ATXN8OS: variants seen among roughly 807,000 people sequenced by gnomAD.
ATXN8OS encodes the protein ATXN8 opposite strand lncRNA.
chr13:70,130,355 G>A (rs1888513780), intron 3 of ATXN8OS, among the ~76,000 whole-genome samples: 2 of 152,128 alleles, frequency 1.3e-5, no homozygotes, highest in Non-Finnish European at 2.9e-5. Flanking sequence ...ATGGAAAAAT[G>A]TTTATCTTTA....
At chr13:70,147,280 C>G (rs1220831639) in intron 3 of ATXN8OS, among the ~76,000 whole-genome samples, 1 of 152,136 alleles carries the variant, frequency 6.6e-6, no homozygotes, top group Non-Finnish European at 1.5e-5. Flanking sequence ...ATTTATAAAA[C>G]CTGCCAAAGT....
At chr13:70,148,822 A>T (rs1031307465) in intron 4 of ATXN8OS, among the ~76,000 whole-genome samples, 1 of 152,092 alleles carries the variant, frequency 6.6e-6, no homozygotes, top group Admixed American at 6.6e-5. Context: ...TTTAAGGGCC[A>T]ATATAATATT....
chr13:70,128,399 C>G (rs983742439), intron 2 of ATXN8OS, among the ~76,000 whole-genome samples: 24 of 152,198 alleles, frequency 1.6e-4, no homozygotes, highest in African/African-American at 5.3e-4. Context: ...AATTCATTTT[C>G]TTTCTTCACT....
At chr13:70,149,862 C>CT (rs1156642677) in intron 4 of ATXN8OS, among the ~76,000 whole-genome samples, 3 of 151,884 alleles carry the variant, frequency 2.0e-5, no homozygotes, top group Non-Finnish European at 2.9e-5. Flanking sequence ...CAAACAAAAA[C>CT]TTTTTTTTCC....
chr13:70,122,302 T>G (rs1425567080), intron 2 of ATXN8OS, among the ~76,000 whole-genome samples: 1 of 152,004 alleles, frequency 6.6e-6, no homozygotes, highest in Non-Finnish European at 1.5e-5. Flanking sequence ...TCATCTAGTA[T>G]TACATCTTTA....
chr13:70,107,925 C>G (rs1349508148), exon 1 of ATXN8OS: 3 of 493,432 alleles, frequency 6.1e-6, no homozygotes, highest in South Asian at 8.1e-5. Flanking sequence ...AGGACCTGGG[C>G]GTGGGGACAC....
chr13:70,112,920 A>ATATATTTTTTT lies in ATXN8OS; in HGVS notation n.241-2220_241-2219insATATTTTTTTT, dbSNP rs1555298511. 1.2e-3 allele frequency among the ~76,000 whole-genome samples: 106 copies of ATATATTTTTTT among 87,526 alleles called. 8 individuals are homozygous for ATATATTTTTTT. The highest frequency in any genetic ancestry group is 7.5e-3 in the Middle Eastern group (1 of 134). The allele number at this position is 87,526 out of a possible 152,430, so 57.4% of individuals were successfully genotyped here. ...ACTGCTGAGGGACTTTATATATATAATTTTTTTTTTTTTTTTTTTTGAGAT... is the reference window on the plus strand; with the variant it reads ...ACTGCTGAGGGACTTTATATATATAATATATTTTTTTTTTTTTTTTTTTTTTTTTTTGAGAT... On this transcript the variant is annotated intron_variant and non_coding_transcript_variant, in intron 1 of 4. Coordinates refer to ENST00000678624, the Ensembl canonical transcript of ATXN8OS.
At chr13:70,163,899 T>A (rs1889040528) in intron 4 of ATXN8OS, among the ~76,000 whole-genome samples, 1 of 151,152 alleles carries the variant, frequency 6.6e-6, no homozygotes, top group Non-Finnish European at 1.5e-5. Flanking sequence ...TTTTTTTTAA[T>A]GTTTTGCCTG....
chr13:70,117,322 T>C (rs573639463), intron 2 of ATXN8OS, among the ~76,000 whole-genome samples: 1 of 152,142 alleles, frequency 6.6e-6, no homozygotes, highest in African/African-American at 2.4e-5. Context: ...TATATACCTA[T>C]ATCAAAACAT....
chr13:70,129,154 C>T (rs1221560342), intron 2 of ATXN8OS, among the ~76,000 whole-genome samples: 4 of 152,006 alleles, frequency 2.6e-5, no homozygotes, highest in East Asian at 3.9e-4. Context: ...GCCACCATGC[C>T]GGGCCCACAA....
intron 3 of ATXN8OS, among the ~76,000 whole-genome samples, chr13:70,133,986 A>G (rs1340973887): frequency 6.6e-6 from 1 of 152,172 alleles, no homozygotes; most frequent in East Asian, 1.9e-4. Context: ...TGGCCTAGTA[A>G]ATTCCTTTGC....
intron 4 of ATXN8OS, among the ~76,000 whole-genome samples, chr13:70,160,289 C>T (rs1034082907): frequency 6.6e-6 from 1 of 151,480 alleles, no homozygotes; most frequent in African/African-American, 2.4e-5. Context: ...TGTTTCATGA[C>T]ATTGAGCATT....
chr13:70,139,345 C>T, intron 3 of ATXN8OS: 1 of 657,272 alleles, frequency 1.5e-6, no homozygotes, highest in Non-Finnish European at 2.6e-6. Context: ...GTTAGAAAAC[C>T]TGGCTTTACT....
Position 70,162,652 on chromosome 13 carries a change from G to A in ATXN8OS, n.574-7101G>A, listed in dbSNP as rs146441163. On this transcript the variant is annotated intron_variant and non_coding_transcript_variant, in intron 4 of 4. Transcript: ENST00000678624. ...TAAATTTGATTTGATATAAGAAACT[G>A]TGGAAGGCTTAGGCAAAATATTAGG... 4.6e-5 allele frequency among the ~76,000 whole-genome samples: 7 copies of A among 152,162 alleles called. No homozygotes were observed. In the East Asian group the frequency reaches 1.4e-3, roughly 29 times the overall value.
intron 4 of ATXN8OS, among the ~76,000 whole-genome samples, chr13:70,157,642 T>C (rs1888954602): frequency 6.6e-6 from 1 of 152,244 alleles, no homozygotes. Flanking sequence ...TTCTCTCTTA[T>C]TGAACGCAGC....
intron 3 of ATXN8OS, among the ~76,000 whole-genome samples, chr13:70,142,063 T>C (rs917704476): frequency 1.3e-5 from 2 of 152,092 alleles, no homozygotes; most frequent in Non-Finnish European, 2.9e-5. Context: ...TTTGTATTTT[T>C]ACAAGAGACA....
chr13:70,117,046 T>C (rs1233857468), intron 2 of ATXN8OS, among the ~76,000 whole-genome samples: 1 of 152,134 alleles, frequency 6.6e-6, no homozygotes, highest in Non-Finnish European at 1.5e-5. Context: ...GATAAAGTAA[T>C]TTATATTTTA....
At chr13:70,133,582 G>A (rs1049540587) in intron 3 of ATXN8OS, among the ~76,000 whole-genome samples, 1 of 152,002 alleles carries the variant, frequency 6.6e-6, no homozygotes, top group Non-Finnish European at 1.5e-5. Flanking sequence ...TTAAGATGAG[G>A]TCCTAATAAT....
chr13:70,126,682 G>C (rs1049804248), intron 2 of ATXN8OS, among the ~76,000 whole-genome samples: 1 of 151,626 alleles, frequency 6.6e-6, no homozygotes, highest in Non-Finnish European at 1.5e-5. Context: ...TGTCTCGGTA[G>C]ATAGATGTAT....
Sources: gnomAD v4.1 joint callset for allele counts (sites outside exome capture counted in the v4.1 genomes callset) on GRCh38, gnomAD v4.1.1 for gene constraint, MANE v1.5 for transcripts, NCBI Gene and HGNC (gene_info 2026-07-23, HGNC 2026-07-21) for gene names.